The following USO1 variants were observed in gnomAD, a reference collection of about 807,000 sequenced individuals.
USO1 encodes general vesicular transport factor p115.
Under a neutral mutation model 124.5 loss-of-function variants are expected in USO1, and 57 were observed. That is an observed-to-expected ratio of 0.46 (90% confidence interval 0.37 to 0.57). The LOEUF is 0.57. Ranked by LOEUF, USO1 falls within the 20% of genes least tolerant of loss-of-function variation. The pLI is 0.00. For missense variants in USO1, 900 were observed against 1,040.6 expected, an observed-to-expected ratio of 0.86 and a Z score of 1.86; for synonymous variants, 369 against 362.8, an observed-to-expected ratio of 1.02 and a Z score of -0.19.
chr4:75,796,841 C>T (rs113039906), intron 13 of USO1, among the ~76,000 whole-genome samples: 1 of 150,200 alleles, frequency 6.7e-6, no homozygotes, highest in South Asian at 2.1e-4. Flanking sequence ...TTTATATTAA[C>T]ATACTTAACC....
chr4:75,765,222 C>G (rs891612319), intron 4 of USO1, among the ~76,000 whole-genome samples: 3 of 152,096 alleles, frequency 2.0e-5, no homozygotes, highest in Non-Finnish European at 2.9e-5. Context: ...TATTACTTGT[C>G]TTTTGAACAT....
At chr4:75,734,751 T>A (rs1472943412) in intron 1 of USO1, among the ~76,000 whole-genome samples, 1 of 110,384 alleles carries the variant, frequency 9.1e-6, no homozygotes, top group Admixed American at 1.0e-4. Context: ...TTTTTTGAAT[T>A]AGAGCCTTGC....
chr4:75,736,741 A>G (rs1348395393), intron 1 of USO1, among the ~76,000 whole-genome samples: 1 of 152,188 alleles, frequency 6.6e-6, no homozygotes, highest in Admixed American at 6.5e-5. Flanking sequence ...CTTCTTGATA[A>G]TAGAATCCAT....
chr4:75,813,310 G>A lies in USO1; in HGVS notation c.*15G>A. The A allele has an allele frequency of 1.3e-6, 2 of 1,576,884 alleles. No individual in the cohort carries two copies. Among genetic ancestry groups the A allele is most frequent in the Admixed American group, 3.9e-5 (2 of 50,998 alleles). On this transcript the variant is annotated 3_prime_UTR_variant, in exon 24 of 24. Transcript: ENST00000514213. The stretch of plus-strand genomic sequence containing the variant: ...ATCATATCTAGTTTTCAAATCTCTA[G>A]GAACAATAGAGATTATATCATAACT...
intron 8 of USO1, among the ~76,000 whole-genome samples, chr4:75,777,731 G>C (rs530083736): frequency 6.6e-6 from 1 of 152,206 alleles, no homozygotes; most frequent in African/African-American, 2.4e-5. Flanking sequence ...AAACACATTT[G>C]TTGCTGATGG....
chr4:75,810,936 G>A (rs1400351774), intron 22 of USO1, among the ~76,000 whole-genome samples: 1 of 151,866 alleles, frequency 6.6e-6, no homozygotes. Context: ...TCACCACGTT[G>A]GCCAGGATGG....
At chr4:75,753,121 G>A (rs908533670) in intron 3 of USO1, among the ~76,000 whole-genome samples, 2 of 152,124 alleles carry the variant, frequency 1.3e-5, no homozygotes, top group Admixed American at 1.3e-4. Flanking sequence ...ATATGAGCCT[G>A]TCGTAAGAGA....
intron 1 of USO1, chr4:75,745,259 T>C: frequency 1.2e-5 from 6 of 493,196 alleles, no homozygotes; most frequent in South Asian, 9.0e-5. Context: ...AGCTTCTGAT[T>C]ATAACTTTCC....
At chr4:75,792,986 A>G (rs1446509740) in intron 12 of USO1, among the ~76,000 whole-genome samples, 1 of 152,226 alleles carries the variant, frequency 6.6e-6, no homozygotes, top group Admixed American at 6.5e-5. Flanking sequence ...TCTCACAAGT[A>G]AGTGAGAACA....
In USO1 at chr4:75,801,132, G is replaced by T; in HGVS notation, c.1918G>T (p.Glu640Ter). The T allele has an allele frequency of 6.2e-7, 1 of 1,608,094 alleles. No homozygotes were observed. The highest frequency in any genetic ancestry group is 1.1e-5 in the South Asian group (1 of 89,940). ...KSSEEDKKEE[E>*]VKKTLEQHDN... is the part of the protein sequence containing the mutation. ...CAGTGAAGAAGATAAAAAAGAAGAA[G>T]AGGTGAAAAAAACATTAGAACAGCA... Residue 640 changes from glutamate to a stop codon, truncating the protein, a stop_gained, in exon 17 of 24, where the codon GAG (glutamate) becomes TAG (stop). Transcript: ENST00000514213. LOFTEE classifies it high-confidence loss of function.
intron 11 of USO1, 25 bp downstream of exon 11, chr4:75,790,263 T>A: frequency 6.4e-7 from 1 of 1,568,606 alleles, no homozygotes; most frequent in South Asian, 1.2e-5. Flanking sequence ...ATACTGAGAT[T>A]ACTCTGAGGA....
intron 4 of USO1, chr4:75,760,645 A>C: frequency 2.5e-6 from 1 of 397,792 alleles, no homozygotes; most frequent in Non-Finnish European, 4.4e-6. Flanking sequence ...GCTTTTAGGC[A>C]TAGTTTCTGA....
At chr4:75,788,629 G>A (rs1376665295) in intron 10 of USO1, among the ~76,000 whole-genome samples, 5 of 147,562 alleles carry the variant, frequency 3.4e-5, no homozygotes, top group Admixed American at 1.4e-4. Flanking sequence ...TGCAACCTCC[G>A]CTTCCTGGGT....
intron 13 of USO1, among the ~76,000 whole-genome samples, chr4:75,796,756 C>T (rs758946989): frequency 2.6e-5 from 4 of 151,778 alleles, no homozygotes; most frequent in Non-Finnish European, 5.9e-5. Flanking sequence ...TCTCAAATCT[C>T]CTCAATGGTT....
chr4:75,782,027 G>A (rs541300168), intron 8 of USO1, among the ~76,000 whole-genome samples: 22 of 152,084 alleles, frequency 1.4e-4, no homozygotes, highest in Non-Finnish European at 3.1e-4. Flanking sequence ...GAAGAAAAAG[G>A]ATAAAACCAT....
At chr4:75,755,286 T>C (rs985344187) in intron 3 of USO1, among the ~76,000 whole-genome samples, 3 of 152,232 alleles carry the variant, frequency 2.0e-5, no homozygotes, top group Non-Finnish European at 4.4e-5. Flanking sequence ...TGAAAAGAGA[T>C]GAATCGAAAA....
intron 17 of USO1, among the ~76,000 whole-genome samples, chr4:75,802,454 C>G (rs1410001017): frequency 6.6e-6 from 1 of 152,118 alleles, no homozygotes; most frequent in Non-Finnish European, 1.5e-5. Context: ...TAATGACTTC[C>G]TTAGAAATGT....
At chr4:75,803,011 T>C (rs916596514) in intron 17 of USO1, among the ~76,000 whole-genome samples, 1 of 140,966 alleles carries the variant, frequency 7.1e-6, no homozygotes, top group African/African-American at 2.6e-5. Flanking sequence ...TTGAACAACC[T>C]GGGAGGCGGA....
chr4:75,725,012 C>T (rs758462112), intron 1 of USO1, 127 bp downstream of exon 1: 28 of 927,672 alleles, frequency 3.0e-5, no homozygotes, highest in Non-Finnish European at 4.4e-5. Context: ...CCGCCTCCCC[C>T]TTTGCCCTCC....
Sources: gnomAD v4.1 joint callset for allele counts (sites outside exome capture counted in the v4.1 genomes callset) on GRCh38, gnomAD v4.1.1 for gene constraint, MANE v1.5 for transcripts, NCBI Gene and HGNC (gene_info 2026-07-23, HGNC 2026-07-21) for gene names.